The following HELZ variants were observed in gnomAD, a reference collection of about 807,000 sequenced individuals.
HELZ encodes ATP-dependent RNA helicase with zinc finger domain.
Under a neutral mutation model 218.2 loss-of-function variants are expected in HELZ, and 23 were observed. The ratio of observed to expected loss-of-function variants is 0.11; its 90% CI spans 0.08 to 0.15. The LOEUF (loss-of-function observed/expected upper bound fraction) is 0.15, where lower values mean the gene tolerates loss of function less well. HELZ is among the 10% of genes least tolerant of loss of function. The probability of loss-of-function intolerance (pLI) is 1.00; values close to 1 mark genes in which losing one functional copy is unlikely to be tolerated. For missense variants in HELZ, 1,813 were observed against 2,353.7 expected, an observed-to-expected ratio of 0.77 and a Z score of 4.75; for synonymous variants, 814 against 829.4, an observed-to-expected ratio of 0.98 and a Z score of 0.32.
At chr17:67,225,010 A>G (rs1460821284) in intron 3 of HELZ, 7 of 687,518 alleles carry the variant, frequency 1.0e-5, no homozygotes, top group African/African-American at 5.3e-5. Flanking sequence ...CTGGAAGGAG[A>G]TAAGAGAAAG....
chr17:67,160,842 A>G (rs2038974470), intron 16 of HELZ, 55 bp downstream of exon 16: 2 of 1,289,972 alleles, frequency 1.6e-6, no homozygotes, highest in African/African-American at 3.0e-5. Context: ...ATTTAAAACA[A>G]GAACAGAGGT....
rs891058606 is a variant in HELZ, at chr17:67,116,054, T to A, written c.3839-1651A>T. 8.5e-5 allele frequency among the ~76,000 whole-genome samples: 13 copies of A among 152,238 alleles called. No individual in the cohort carries two copies. The South Asian group carries it at 2.7e-3, about 32-fold the overall frequency. On this transcript the variant is annotated intron_variant, in intron 27 of 32. Transcript: ENST00000358691. ...GGCTAGGAGAGAAAAAATAGCATAC[T>A]TTAAGCTTCCTTTACTGTAAATGAA... is the stretch of plus-strand genomic sequence containing the variant.
At chr17:67,224,964 G>A in intron 3 of HELZ, 3 of 704,672 alleles carry the variant, frequency 4.3e-6, no homozygotes, top group Non-Finnish European at 8.0e-6. Context: ...AGATCTAAGA[G>A]AATGCTGGCT....
Position 67,128,779 on chromosome 17 carries a change from C to T in HELZ, c.3259G>A (p.Ala1087Thr). 1 of 1,614,064 alleles carries T rather than the reference C, an allele frequency of 6.2e-7. No homozygotes were observed. Among genetic ancestry groups the T allele is most frequent in the Admixed American group, 1.7e-5 (1 of 60,020 alleles). The change falls in exon 24 of 33, where the codon GCC (alanine) becomes ACC (threonine). Residue 1087 changes from alanine (A) to threonine (T), a missense_variant. Ala to Thr is a moderately conservative substitution (Grantham distance 58). Around this residue, in one of 4 missense-constraint regions of HELZ, gnomAD observed 156 missense variants for 274.4 expected, o/e 0.57. Coordinates refer to ENST00000358691, the MANE Select transcript of HELZ (RefSeq NM_014877.4). Reference protein sequence around the residue: ...LHGITFEQIKAQLEALELKKT... With the variant: ...LHGITFEQIKTQLEALELKKT... ...TTTAGTTCTAAAGCCTCTAACTGGG[C>T]TTTGATCTGTTCAAAAGTGATTCCA...
At chr17:67,235,740 CCA>C (rs1234683048) in intron 3 of HELZ, among the ~76,000 whole-genome samples, 1 of 149,508 alleles carries the variant, frequency 6.7e-6, no homozygotes, top group African/African-American at 2.5e-5. Flanking sequence ...ACCATTTTGA[CCA>C]CACACTCTTT....
intron 17 of HELZ, among the ~76,000 whole-genome samples, chr17:67,154,735 T>C (rs983367510): frequency 6.6e-6 from 1 of 152,324 alleles, no homozygotes; most frequent in East Asian, 1.9e-4. Context: ...ACCATGCTTG[T>C]AAGTGGTATT....
chr17:67,146,078 A>G (rs2038487999), intron 20 of HELZ, among the ~76,000 whole-genome samples, 188 bp from the exon 21 acceptor site: 1 of 152,206 alleles, frequency 6.6e-6, no homozygotes, highest in Non-Finnish European at 1.5e-5. Flanking sequence ...TCCTGGCATA[A>G]TATTGTTAAA....
At chr17:67,169,219 A>G (rs1381645883) in intron 13 of HELZ, among the ~76,000 whole-genome samples, 2 of 152,112 alleles carry the variant, frequency 1.3e-5, no homozygotes, top group African/African-American at 4.8e-5. Flanking sequence ...TGGTGGCAAC[A>G]TTTTCTCCTT....
chr17:67,245,612 C>T (rs9890930), upstream of HELZ: 8,470 of 813,772 alleles, frequency 0.01, 527 homozygotes, highest in African/African-American at 0.13. Context: ...GGCCGCGCTT[C>T]CAGGAAGCCC....
intron 31 of HELZ, among the ~76,000 whole-genome samples, chr17:67,093,719 A>G (rs1443372155): frequency 2.0e-5 from 3 of 152,212 alleles, no homozygotes; most frequent in Admixed American, 1.3e-4. Context: ...TTTATTTCTT[A>G]CCATTTCCAC....
At chr17:67,125,164 G>A (rs988834279) in intron 24 of HELZ, among the ~76,000 whole-genome samples, 1 of 150,598 alleles carries the variant, frequency 6.6e-6, no homozygotes, top group South Asian at 2.1e-4. Context: ...TATGAGTGAG[G>A]AAGGGCAGCT....
At chr17:67,230,296 C>T (rs1213872273) in intron 3 of HELZ, among the ~76,000 whole-genome samples, 2 of 151,976 alleles carry the variant, frequency 1.3e-5, no homozygotes, top group East Asian at 3.9e-4. Flanking sequence ...ACAAAAAACC[C>T]ATACTTAAGA....
chr17:67,238,416 T>C (rs1184093843), intron 3 of HELZ, among the ~76,000 whole-genome samples: 1 of 149,880 alleles, frequency 6.7e-6, no homozygotes, highest in Admixed American at 6.7e-5. Context: ...GTGCGGTGGC[T>C]CACGCCTGTA....
At chr17:67,143,683 T>C (rs376532837) in intron 21 of HELZ, among the ~76,000 whole-genome samples, 13 of 152,022 alleles carry the variant, frequency 8.6e-5, no homozygotes, top group Non-Finnish European at 1.8e-4. Flanking sequence ...CACCTTGGCA[T>C]TGAATTGAAA....
At chr17:67,146,871 C>G (rs2038513858) in intron 20 of HELZ, among the ~76,000 whole-genome samples, 3 of 152,112 alleles carry the variant, frequency 2.0e-5, no homozygotes, top group African/African-American at 7.2e-5. Flanking sequence ...TGGAAAGGAG[C>G]ACAAAGGGGC....
intron 3 of HELZ, among the ~76,000 whole-genome samples, chr17:67,237,866 T>C (rs1279419824): frequency 6.6e-6 from 1 of 151,224 alleles, no homozygotes; most frequent in Non-Finnish European, 1.5e-5. Context: ...CGCACACCTA[T>C]AGTCCCAGCT....
At chr17:67,160,803 G>C (rs1035176) in intron 16 of HELZ, 94 bp downstream of exon 16, 450,284 of 892,796 alleles carry the variant, frequency 0.5, 118,067 homozygotes, top group East Asian at 0.85. Context: ...AGAGCTGCAT[G>C]AAAACTGTCT....
At chr17:67,120,226 G>T (rs562199723) in intron 27 of HELZ, among the ~76,000 whole-genome samples, 179 bp downstream of exon 27, 3 of 151,612 alleles carry the variant, frequency 2.0e-5, no homozygotes, top group African/African-American at 7.3e-5. Flanking sequence ...GGATGGTCTC[G>T]ATCTCCTGAC....
chr17:67,147,115 C>CA (rs2038521554), intron 20 of HELZ, among the ~76,000 whole-genome samples: 2 of 152,144 alleles, frequency 1.3e-5, no homozygotes, highest in East Asian at 3.8e-4. Context: ...AAGACATAAG[C>CA]AAACCATCAT....
Sources: allele counts gnomAD v4.1 joint callset (sites outside exome capture counted in the v4.1 genomes callset), GRCh38; gene constraint gnomAD v4.1.1; regional missense constraint gnomAD v4.1.1; transcripts MANE v1.5; gene names NCBI Gene and HGNC (gene_info 2026-07-23, HGNC 2026-07-21).